The following BICC1 variants were observed in gnomAD, a reference collection of about 807,000 sequenced individuals.
BICC1 encodes protein bicaudal C homolog 1.
BICC1 carries 43 observed loss-of-function variants against 111.0 expected under a neutral mutation model. The ratio of observed to expected loss-of-function variants is 0.39; its 90% confidence interval spans 0.30 to 0.50. BICC1 has a LOEUF of 0.50. BICC1 is among the 20% of genes least tolerant of loss of function. The pLI is 0.88. For missense variants in BICC1, 1,091 were observed against 1,203.2 expected (o/e 0.91, Z 1.38); for synonymous variants, 467 against 434.4 (o/e 1.07, Z -0.93).
chr10:58,616,260 G>A (rs770008803), intron 1 of BICC1, among the ~76,000 whole-genome samples: 1 of 152,220 alleles, frequency 6.6e-6, no homozygotes, highest in Non-Finnish European at 1.5e-5. Flanking sequence ...CTGCCTGCAG[G>A]GGTCCCCCCA....
chr10:58,741,449 CAGT>C (rs1325222534), intron 3 of BICC1, among the ~76,000 whole-genome samples: 1 of 152,080 alleles, frequency 6.6e-6, no homozygotes, highest in Non-Finnish European at 1.5e-5. Flanking sequence ...GTTTGGGAAA[CAGT>C]AGATTAAACA....
intron 1 of BICC1, among the ~76,000 whole-genome samples, chr10:58,591,170 A>G (rs1012981140): frequency 1.3e-5 from 2 of 152,148 alleles, no homozygotes; most frequent in East Asian, 3.9e-4. Context: ...GATGCTGTTG[A>G]GTCATAAGAA....
chr10:58,579,100 A>G (rs1844193142), intron 1 of BICC1, among the ~76,000 whole-genome samples: 1 of 152,122 alleles, frequency 6.6e-6, no homozygotes, highest in Non-Finnish European at 1.5e-5. Context: ...CTTCATATAT[A>G]ATACCACTGG....
intron 2 of BICC1, among the ~76,000 whole-genome samples, chr10:58,700,625 A>C (rs150490695): frequency 6.6e-6 from 1 of 152,270 alleles, no homozygotes; most frequent in Non-Finnish European, 1.5e-5. Context: ...ATAGAGACAT[A>C]AGTGTAGAGA....
chr10:58,758,681 C>T (rs1431737492), intron 3 of BICC1, among the ~76,000 whole-genome samples: 1 of 152,180 alleles, frequency 6.6e-6, no homozygotes, highest in East Asian at 1.9e-4. Context: ...TTCTTCTCAT[C>T]ATCGGTAAGT....
chr10:58,723,044 T>C (rs1840989498), intron 3 of BICC1, among the ~76,000 whole-genome samples: 1 of 152,254 alleles, frequency 6.6e-6, no homozygotes. Context: ...TTTCAATTTC[T>C]GGTTTCTAGT....
intron 1 of BICC1, among the ~76,000 whole-genome samples, chr10:58,561,232 T>C (rs1843594944): frequency 6.6e-6 from 1 of 152,082 alleles, no homozygotes; most frequent in Non-Finnish European, 1.5e-5. Flanking sequence ...GGTTTTCCAG[T>C]GCTGGGTGCA....
intron 8 of BICC1, among the ~76,000 whole-genome samples, chr10:58,790,565 T>C (rs914096469): frequency 7.9e-5 from 12 of 152,162 alleles, no homozygotes; most frequent in Non-Finnish European, 1.0e-4. Flanking sequence ...CGGTACCTCA[T>C]GCCTGTAATC....
At chr10:58,518,336 C>A (rs1027789991) in intron 1 of BICC1, among the ~76,000 whole-genome samples, 1 of 151,978 alleles carries the variant, frequency 6.6e-6, no homozygotes, top group African/African-American at 2.4e-5. Context: ...TAACATGTTT[C>A]ATTTGCTCAC....
chr10:58,554,401 T>C (rs1440281806), intron 1 of BICC1, among the ~76,000 whole-genome samples: 2 of 152,202 alleles, frequency 1.3e-5, no homozygotes, highest in Non-Finnish European at 2.9e-5. Flanking sequence ...AATTGAACTT[T>C]AGTCAATGCT....
intron 1 of BICC1, among the ~76,000 whole-genome samples, chr10:58,520,481 G>A (rs1158086489): frequency 1.3e-5 from 2 of 152,096 alleles, no homozygotes; most frequent in Admixed American, 1.3e-4. Context: ...GCTACTAATA[G>A]CTGTGGATGA....
At chr10:58,767,669 A>G (rs781603060) in intron 3 of BICC1, among the ~76,000 whole-genome samples, 3 of 152,174 alleles carry the variant, frequency 2.0e-5, no homozygotes, top group Non-Finnish European at 2.9e-5. Flanking sequence ...AAAACTCAGT[A>G]TAAATCTAAA....
chr10:58,611,893 G>A (rs1225573240), intron 1 of BICC1, among the ~76,000 whole-genome samples: 3 of 152,112 alleles, frequency 2.0e-5, no homozygotes, highest in African/African-American at 7.2e-5. Flanking sequence ...AAATATTAAA[G>A]TGAAGAAGAA....
intron 2 of BICC1, among the ~76,000 whole-genome samples, chr10:58,653,743 C>T (rs1838527818): frequency 6.6e-6 from 1 of 151,184 alleles, no homozygotes; most frequent in Admixed American, 6.6e-5. Context: ...AGTTTAGTTA[C>T]ATATGTATAC....
At chr10:58,636,719 G>C (rs1837964195) in intron 2 of BICC1, among the ~76,000 whole-genome samples, 1 of 152,126 alleles carries the variant, frequency 6.6e-6, no homozygotes, top group Non-Finnish European at 1.5e-5. Flanking sequence ...CATGAGTTCT[G>C]GCTTTGAATT....
At chr10:58,721,463 G>T (rs978693519) in intron 3 of BICC1, among the ~76,000 whole-genome samples, 12 of 152,134 alleles carry the variant, frequency 7.9e-5, no homozygotes, top group African/African-American at 2.7e-4. Context: ...CTGCTGTCTA[G>T]TGAAAAAATG....
At chr10:58,697,679 C>T (rs1233268548) in intron 2 of BICC1, among the ~76,000 whole-genome samples, 2 of 152,202 alleles carry the variant, frequency 1.3e-5, no homozygotes, top group African/African-American at 2.4e-5. Flanking sequence ...GACTTGCTTA[C>T]TGCCCTATCT....
chr10:58,539,572 A>G (rs576506311), intron 1 of BICC1, among the ~76,000 whole-genome samples: 1 of 152,038 alleles, frequency 6.6e-6, no homozygotes, highest in East Asian at 1.9e-4. Context: ...TGTAATGATG[A>G]AAGGGCCAAT....
chr10:58,688,881 G>A (rs1839830720), intron 2 of BICC1, among the ~76,000 whole-genome samples: 1 of 152,052 alleles, frequency 6.6e-6, no homozygotes, highest in African/African-American at 2.4e-5. Context: ...GCCTGTTGGG[G>A]AGTGGGGGGC....
Sources: allele counts gnomAD v4.1 joint callset (sites outside exome capture counted in the v4.1 genomes callset), GRCh38; gene constraint gnomAD v4.1.1; transcripts MANE v1.5; gene names NCBI Gene and HGNC (gene_info 2026-07-23, HGNC 2026-07-21).